PLEKHG1: variants seen among roughly 807,000 people sequenced by gnomAD.
PLEKHG1 encodes pleckstrin homology domain-containing family G member 1.
Under a neutral mutation model 100.8 loss-of-function variants are expected in PLEKHG1, and 44 were observed. The observed-to-expected ratio is 0.44, with a 90% CI of 0.34 to 0.56. PLEKHG1 has a LOEUF of 0.56. Ranked by LOEUF, PLEKHG1 falls within the 20% of genes least tolerant of loss-of-function variation. PLEKHG1 has a pLI of 0.01. For synonymous variants in PLEKHG1, 640 were observed against 662.5 expected, an observed-to-expected ratio of 0.97 and a Z score of 0.52; for missense variants, 1,545 against 1,720.9, an observed-to-expected ratio of 0.90 and a Z score of 1.81.
intron 5 of PLEKHG1, among the ~76,000 whole-genome samples, chr6:150,796,787 G>A (rs1786360358): frequency 6.6e-6 from 1 of 152,074 alleles, no homozygotes; most frequent in Admixed American, 6.5e-5. Flanking sequence ...TGATAGGTAA[G>A]GTGATTCTCT....
Position 150,667,797 on chromosome 6 carries a change from C to G in PLEKHG1, c.-99+17011C>G, listed in dbSNP as rs1045630717. On this transcript the variant is annotated intron_variant, in intron 3 of 3. Coordinates refer to the PLEKHG1 transcript ENST00000367326. The stretch of plus-strand genomic sequence containing the variant: ...GAAACTGTGAAAAGTAGAGGTGACT[C>G]TCCTTTAGAACTACAAGGGATAGTG... Among the ~76,000 whole-genome samples, 3 of 152,200 alleles carry G rather than the reference C, an allele frequency of 2.0e-5. No homozygotes were observed. In the East Asian group the frequency reaches 5.8e-4, roughly 29 times the overall value.
intron 15 of PLEKHG1, 64 bp downstream of exon 16, chr6:150,832,269 G>A: frequency 7.3e-7 from 1 of 1,363,820 alleles, no homozygotes; most frequent in Non-Finnish European, 9.9e-7. Context: ...TCAGATTTCA[G>A]ATGTCCTTAA....
At chr6:150,838,191 A>C (rs563139274) in intron 15 of PLEKHG1, among the ~76,000 whole-genome samples, 3 of 152,336 alleles carry the variant, frequency 2.0e-5, no homozygotes, top group African/African-American at 2.4e-5. Context: ...AATAGCTTAA[A>C]GAAGAAGAAG....
chr6:150,684,640 A>C (rs1486459962), intron 3 of PLEKHG1, among the ~76,000 whole-genome samples: 3 of 152,158 alleles, frequency 2.0e-5, no homozygotes, highest in Non-Finnish European at 4.4e-5. Context: ...GATCTGTGGC[A>C]GCAGTAATGA....
chr6:150,732,686 C>T (rs1320355450), intron 1 of PLEKHG1, among the ~76,000 whole-genome samples: 2 of 152,176 alleles, frequency 1.3e-5, no homozygotes, highest in African/African-American at 4.8e-5. Context: ...GGCAGGATCT[C>T]GGCTCACTGC....
intron 3 of PLEKHG1, among the ~76,000 whole-genome samples, chr6:150,685,400 G>A (rs910197883): frequency 5.3e-5 from 8 of 152,160 alleles, no homozygotes; most frequent in Admixed American, 1.3e-4. Context: ...AGCCCTCTGT[G>A]GCAGAAGGAG....
chr6:150,721,755 G>A (rs933111764), intron 1 of PLEKHG1, among the ~76,000 whole-genome samples: 3 of 152,140 alleles, frequency 2.0e-5, no homozygotes, highest in Admixed American at 6.5e-5. Context: ...ACTTTTGTGA[G>A]GAACAATGAT....
intron 6 of PLEKHG1, 31 bp downstream of exon 7, chr6:150,800,900 A>G (rs774981182): frequency 8.8e-6 from 14 of 1,593,440 alleles, no homozygotes; most frequent in Middle Eastern, 3.4e-4. Context: ...AGCACTTTCC[A>G]GGGGATGGGA....
chr6:150,700,736 G>A (rs542372005), intron 3 of PLEKHG1, among the ~76,000 whole-genome samples: 142 of 152,270 alleles, frequency 9.3e-4, no homozygotes, highest in African/African-American at 3.2e-3. Context: ...CATCTGATGA[G>A]CTTGCTGTGC....
intron 1 of PLEKHG1, among the ~76,000 whole-genome samples, chr6:150,609,621 A>C (rs1312802925): frequency 1.3e-5 from 2 of 152,186 alleles, no homozygotes; most frequent in African/African-American, 4.8e-5. Flanking sequence ...AGTGTGATGC[A>C]AAGCTACGGG....
At chr6:150,707,363 A>G (rs4869689) in intron 3 of PLEKHG1, among the ~76,000 whole-genome samples, 12,237 of 152,194 alleles carry the variant, frequency 0.08, 657 homozygotes, top group South Asian at 0.17. Context: ...ATCAGATCAT[A>G]TAGTCTGGTA....
chr6:150,643,581 A>G (rs1350476804), intron 2 of PLEKHG1, among the ~76,000 whole-genome samples: 1 of 152,192 alleles, frequency 6.6e-6, no homozygotes, highest in Non-Finnish European at 1.5e-5. Context: ...TCTTTTGACA[A>G]ATCTTTCCTG....
At chr6:150,680,030 G>A (rs1779881819) in intron 3 of PLEKHG1, among the ~76,000 whole-genome samples, 1 of 152,190 alleles carries the variant, frequency 6.6e-6, no homozygotes, top group Non-Finnish European at 1.5e-5. Flanking sequence ...GAGTGCTGGA[G>A]GCCAGGTTAC....
At chr6:150,634,588 A>C (rs1463364820) in intron 1 of PLEKHG1, among the ~76,000 whole-genome samples, 1 of 152,216 alleles carries the variant, frequency 6.6e-6, no homozygotes. Flanking sequence ...AATAAAAATA[A>C]ACATCTAAAA....
chr6:150,837,023 G>C (rs1243323851), intron 15 of PLEKHG1, among the ~76,000 whole-genome samples: 2 of 151,948 alleles, frequency 1.3e-5, no homozygotes, highest in Non-Finnish European at 2.9e-5. Flanking sequence ...TTAGCCAGGC[G>C]TGGTGGTGGG....
Position 150,754,186 on chromosome 6 carries a change from G to A in PLEKHG1, c.412-14452G>A, listed in dbSNP as rs908416108. ...AAGGATGAATGAGCCAGGTGGTGAT[G>A]AGCAGGACAGCCAATACTGGCAGTG... On this transcript the variant is annotated intron_variant, in intron 2 of 15. Transcript: ENST00000358517. 6.6e-5 allele frequency among the ~76,000 whole-genome samples: 10 copies of A among 152,290 alleles called. No homozygotes were observed. In the South Asian group the frequency reaches 1.7e-3, roughly 25 times the overall value.
chr6:150,781,682 T>C (rs1018704835), intron 3 of PLEKHG1, among the ~76,000 whole-genome samples: 9 of 152,084 alleles, frequency 5.9e-5, no homozygotes, highest in Admixed American at 2.0e-4. Flanking sequence ...ATCAGAACTA[T>C]ATTTTCTGAT....
chr6:150,756,218 C>T (rs1227562278), intron 2 of PLEKHG1, among the ~76,000 whole-genome samples: 1 of 152,152 alleles, frequency 6.6e-6, no homozygotes, highest in East Asian at 1.9e-4. Flanking sequence ...TGGGGAACAT[C>T]CCATCACTTT....
At chr6:150,631,840 G>A (rs1777766075) in intron 1 of PLEKHG1, among the ~76,000 whole-genome samples, 1 of 152,144 alleles carries the variant, frequency 6.6e-6, no homozygotes, top group Non-Finnish European at 1.5e-5. Flanking sequence ...CTGCGAGCAA[G>A]TAAGGAGAAG....
Sources: gnomAD v4.1 joint callset for allele counts (sites outside exome capture counted in the v4.1 genomes callset) on GRCh38, gnomAD v4.1.1 for gene constraint, MANE v1.5 for transcripts, NCBI Gene and HGNC (gene_info 2026-07-23, HGNC 2026-07-21) for gene names.